EPB41: variants seen among roughly 807,000 people sequenced by gnomAD.
The protein encoded by EPB41 is protein 4.1.
Under a neutral mutation model 108.0 loss-of-function variants are expected in EPB41, and 65 were observed. That is an observed-to-expected ratio of 0.60 (90% CI 0.49 to 0.74). The LOEUF (loss-of-function observed/expected upper bound fraction) is 0.74. EPB41 is among the 30% of genes least tolerant of loss of function. The pLI is 0.00. For missense variants in EPB41, 875 were observed against 1,037.0 expected, an observed-to-expected ratio of 0.84 and a Z score of 2.15; for synonymous variants, 336 against 358.9, an observed-to-expected ratio of 0.94 and a Z score of 0.72.
chr1:28,978,548 G>C (rs1322494528), intron 1 of EPB41, among the ~76,000 whole-genome samples: 1 of 151,538 alleles, frequency 6.6e-6, no homozygotes, highest in Non-Finnish European at 1.5e-5. Context: ...TAATTTTGGA[G>C]ATGTCAGTTT....
chr1:29,037,813 C>T (rs1184579233), intron 10 of EPB41, among the ~76,000 whole-genome samples: 3 of 152,080 alleles, frequency 2.0e-5, no homozygotes, highest in Non-Finnish European at 4.4e-5. Flanking sequence ...TGATTACAGG[C>T]GTGAGCCACT....
At chr1:29,008,318 G>C (rs1199322668) in intron 4 of EPB41, among the ~76,000 whole-genome samples, 1 of 152,062 alleles carries the variant, frequency 6.6e-6, no homozygotes, top group East Asian at 1.9e-4. Context: ...TATCCCATCA[G>C]ACCCTTTTGA....
chr1:29,087,219 G>T (rs558377148), intron 16 of EPB41, among the ~76,000 whole-genome samples: 1 of 152,172 alleles, frequency 6.6e-6, no homozygotes, highest in South Asian at 2.1e-4. Flanking sequence ...GGGATTACAG[G>T]TGTGAGCCAC....
intron 1 of EPB41, among the ~76,000 whole-genome samples, chr1:28,929,953 G>A (rs149462517): frequency 1.3e-5 from 2 of 149,074 alleles, no homozygotes; most frequent in African/African-American, 2.5e-5. Context: ...GTGTTTATGG[G>A]GTTGTGCAGC....
At position 28,887,368 on chromosome 1, in the gene EPB41, A is replaced by T; in HGVS notation, c.-8+158A>T. ...GGGTCCAGCGGTCCCGAATTCCAGA[A>T]TCCGAACTTGGGGTCCAAAGGAGTC... On this transcript the variant is annotated intron_variant, in intron 1 of 16. Transcript: ENST00000347529. This position sits in a 1 kb window ranked among gnomAD's most constrained non-coding sequence, Gnocchi z 4.9. The T allele has an allele frequency of 1.0e-6, 1 of 985,372 alleles. No individual in the cohort carries two copies. The highest frequency in any genetic ancestry group is 1.7e-5 in the African/African-American group (1 of 57,352). The allele number at this position is 985,372 out of a possible 1,614,324, so 61.0% of individuals were successfully genotyped here. A position where few individuals can be genotyped will look rare whatever the true frequency, so the allele number is the denominator to read the frequency against.
intron 16 of EPB41, among the ~76,000 whole-genome samples, chr1:29,088,086 G>A (rs1337619637): frequency 2.2e-5 from 3 of 134,648 alleles, no homozygotes; most frequent in South Asian, 2.2e-4. Flanking sequence ...CCCTCCTGTC[G>A]CACAAGCTGG....
Position 28,954,759 on chromosome 1 carries a change from C to T in EPB41, c.-7-32672C>T, listed in dbSNP as rs549875516. On this transcript the variant is annotated intron_variant, in intron 1 of 20. Transcript: ENST00000343067. The stretch of plus-strand genomic sequence containing the variant: ...TTTGGTTTAGTTCAAAAGCACATTC[C>T]CTATATGTCACTGGGAACAAAAAGA... 2.8e-4 allele frequency among the ~76,000 whole-genome samples: 42 copies of T among 152,112 alleles called. 1 individual carries two copies. Among genetic ancestry groups the T allele is most frequent in the Non-Finnish European group, 1.8e-4 (12 of 68,024 alleles).
intron 16 of EPB41, among the ~76,000 whole-genome samples, chr1:29,093,918 A>G (rs916929106): frequency 6.6e-6 from 1 of 152,086 alleles, no homozygotes; most frequent in East Asian, 1.9e-4. Flanking sequence ...ATATATATGT[A>G]TATTTGCCAG....
At chr1:28,956,334 C>A (rs1266843094) in intron 1 of EPB41, among the ~76,000 whole-genome samples, 1 of 152,118 alleles carries the variant, frequency 6.6e-6, no homozygotes, top group African/African-American at 2.4e-5. Flanking sequence ...GCAACAAAGG[C>A]AAGAGAGAGA....
At chr1:28,947,638 C>T (rs1191195670) in intron 1 of EPB41, among the ~76,000 whole-genome samples, 1 of 151,814 alleles carries the variant, frequency 6.6e-6, no homozygotes, top group Non-Finnish European at 1.5e-5. Flanking sequence ...ATCAGTGTGG[C>T]CAACATGATG....
At chr1:28,906,974 T>C (rs2091886371) in intron 1 of EPB41, among the ~76,000 whole-genome samples, 2 of 150,976 alleles carry the variant, frequency 1.3e-5, no homozygotes, top group South Asian at 2.1e-4. Flanking sequence ...GGTTTCAACA[T>C]GTCAGCCAGG....
chr1:29,117,943 C>G lies in EPB41; in HGVS notation c.*1131C>G, dbSNP rs1671261746. 6.6e-6 allele frequency: 1 copy of G among 152,504 alleles called. No individual in the cohort carries two copies. Among genetic ancestry groups the G allele is most frequent in the African/African-American group, 2.4e-5 (1 of 41,434 alleles). 9.4% of individuals were successfully genotyped at this position (152,504 alleles called of 1,614,324 possible). Reference sequence around the variant, plus strand: ...GTTCTCCCCACAAGACACCACATGACAAGGGGTATAAGCCCCAGCCCTGCT... The same window carrying G: ...GTTCTCCCCACAAGACACCACATGAGAAGGGGTATAAGCCCCAGCCCTGCT... On this transcript the variant is annotated 3_prime_UTR_variant, in exon 21 of 21. Coordinates refer to ENST00000343067, the MANE Select transcript of EPB41 (RefSeq NM_001376013.1).
At chr1:29,051,088 G>GTT (rs71586885) in intron 11 of EPB41, among the ~76,000 whole-genome samples, 9 of 51,576 alleles carry the variant, frequency 1.7e-4, no homozygotes, top group Admixed American at 3.1e-4. Context: ...TTCTTTTTCT[G>GTT]TTTTTTTTTT....
chr1:29,056,768 C>T (rs1202728978), intron 12 of EPB41, among the ~76,000 whole-genome samples: 4 of 152,080 alleles, frequency 2.6e-5, no homozygotes, highest in Admixed American at 6.5e-5. Context: ...TCAGGTGATC[C>T]GCCCACCTCG....
chr1:29,044,003 A>G (rs777916849), intron 11 of EPB41, among the ~76,000 whole-genome samples: 4 of 152,220 alleles, frequency 2.6e-5, no homozygotes, highest in Non-Finnish European at 4.4e-5. Flanking sequence ...CTGGGAGAGT[A>G]GCAGAGTTGG....
chr1:29,008,461 C>T (rs1392832977), intron 4 of EPB41, among the ~76,000 whole-genome samples: 1 of 152,114 alleles, frequency 6.6e-6, no homozygotes, highest in East Asian at 1.9e-4. Context: ...GGCTCAGAAA[C>T]ACTGTCTTAT....
At chr1:28,899,445 C>G (rs756002881) in intron 1 of EPB41, among the ~76,000 whole-genome samples, 3 of 145,226 alleles carry the variant, frequency 2.1e-5, no homozygotes, top group East Asian at 3.9e-4. Flanking sequence ...CCTCTTCCCC[C>G]TTTCCTGGGA....
intron 11 of EPB41, chr1:29,041,485 AAAAT>A (rs1481484312): frequency 2.0e-5 from 3 of 152,082 alleles, no homozygotes; most frequent in African/African-American, 7.2e-5. Context: ...GTCTCAAAAT[AAAAT>A]AAAGTAAAAG....
chr1:28,935,257 G>C (rs2093946418), intron 1 of EPB41, among the ~76,000 whole-genome samples: 2 of 151,594 alleles, frequency 1.3e-5, no homozygotes, highest in African/African-American at 4.8e-5. Context: ...ATGGCGAAAC[G>C]CTGTTTCTAC....
Sources: allele counts gnomAD v4.1 joint callset (sites outside exome capture counted in the v4.1 genomes callset), GRCh38; gene constraint gnomAD v4.1.1; non-coding constraint Gnocchi (gnomAD v3.1); transcripts MANE v1.5; gene names NCBI Gene and HGNC (gene_info 2026-07-23, HGNC 2026-07-21).